The following PRKG1 variants were observed in gnomAD, a reference collection of about 807,000 sequenced individuals.
PRKG1 encodes the protein cGMP-dependent protein kinase 1.
PRKG1 carries 35 observed loss-of-function variants against 88.1 expected under a neutral mutation model. The ratio of observed to expected loss-of-function variants is 0.40; its 90% CI spans 0.30 to 0.53. PRKG1 has a LOEUF of 0.53. Ranked by LOEUF, PRKG1 falls within the 20% of genes least tolerant of loss-of-function variation. The pLI is 0.59. For synonymous variants in PRKG1, 303 were observed against 292.5 expected (o/e 1.04, Z -0.37); for missense variants, 540 against 839.8 (o/e 0.64, Z 4.41).
intron 5 of PRKG1, among the ~76,000 whole-genome samples, chr10:51,945,928 T>A (rs985075358): frequency 6.7e-6 from 1 of 150,366 alleles, no homozygotes; most frequent in Non-Finnish European, 1.5e-5. Flanking sequence ...CTGACAATTA[T>A]GTGTCTTGGA....
At chr10:52,209,955 G>A (rs1466519852) in intron 9 of PRKG1, among the ~76,000 whole-genome samples, 8 of 152,148 alleles carry the variant, frequency 5.3e-5, no homozygotes, top group Non-Finnish European at 1.5e-5. Context: ...GAAATCTGAT[G>A]ATTGTACACA....
At chr10:52,099,626 G>A (rs1847250779) in intron 7 of PRKG1, among the ~76,000 whole-genome samples, 1 of 152,102 alleles carries the variant, frequency 6.6e-6, no homozygotes, top group African/African-American at 2.4e-5. Context: ...GGATCACAGT[G>A]GGTTCAAAGT....
At chr10:51,581,008 G>A (rs184809608) in intron 3 of PRKG1, among the ~76,000 whole-genome samples, 5 of 151,934 alleles carry the variant, frequency 3.3e-5, no homozygotes, top group East Asian at 1.9e-4. Context: ...CTGGGTCCAG[G>A]GGGGGGTCAC....
rs1011432821 is a variant in PRKG1 at position 51,633,221 on chromosome 10, A to G, written c.592+165385A>G. 2.0e-5 allele frequency among the ~76,000 whole-genome samples: 3 copies of G among 152,154 alleles called. No individual in the cohort carries two copies. The East Asian group carries it at 5.8e-4, about 29-fold the overall frequency. On this transcript the variant is annotated intron_variant, in intron 3 of 17. Transcript: ENST00000373980. ...AACCACTCACATATTTTAAAATAAT[A>G]ATAATAATTCTCTTGGAATTCTTCC... is the stretch of plus-strand genomic sequence containing the variant.
intron 9 of PRKG1, among the ~76,000 whole-genome samples, chr10:52,246,230 C>T (rs1405711800): frequency 6.6e-6 from 1 of 152,050 alleles, no homozygotes; most frequent in African/African-American, 2.4e-5. Flanking sequence ...TAATAAGGGA[C>T]ACTTGATTCT....
At chr10:51,745,095 A>G (rs558697009) in intron 3 of PRKG1, among the ~76,000 whole-genome samples, 2 of 152,314 alleles carry the variant, frequency 1.3e-5, no homozygotes, top group Non-Finnish European at 2.9e-5. Flanking sequence ...TATTATCAAA[A>G]CATTCTAAAG....
At chr10:51,890,176 G>A (rs1841682677) in intron 4 of PRKG1, among the ~76,000 whole-genome samples, 2 of 152,124 alleles carry the variant, frequency 1.3e-5, no homozygotes, top group Non-Finnish European at 2.9e-5. Context: ...TTCTTCTAGG[G>A]TTTTTATGGT....
At chr10:51,320,601 C>CT (rs1841430359) in intron 2 of PRKG1, 1 of 152,348 alleles carries the variant, frequency 6.6e-6, no homozygotes, top group South Asian at 2.1e-4. Context: ...ACCACCAAAA[C>CT]ATAATAATCA....
chr10:51,205,749 G>A (rs1308650268), intron 2 of PRKG1, among the ~76,000 whole-genome samples: 5 of 151,784 alleles, frequency 3.3e-5, no homozygotes, highest in African/African-American at 1.2e-4. Context: ...GGCCAGGCTG[G>A]TCTCAAGCTC....
chr10:51,603,213 C>T (rs1048099127), intron 3 of PRKG1, among the ~76,000 whole-genome samples: 1 of 152,144 alleles, frequency 6.6e-6, no homozygotes, highest in African/African-American at 2.4e-5. Context: ...CCACCTTGGC[C>T]TCCCAAAGTG....
intron 5 of PRKG1, among the ~76,000 whole-genome samples, chr10:51,914,061 A>T (rs1181365878): frequency 6.6e-6 from 1 of 152,058 alleles, no homozygotes; most frequent in East Asian, 1.9e-4. Flanking sequence ...TAACAAGCTA[A>T]CTCATTTTCT....
At chr10:51,349,433 T>C (rs1833841124) in intron 2 of PRKG1, among the ~76,000 whole-genome samples, 1 of 151,760 alleles carries the variant, frequency 6.6e-6, no homozygotes, top group South Asian at 2.1e-4. Context: ...TAAAAAATTG[T>C]TTACTTTGAG....
intron 9 of PRKG1, among the ~76,000 whole-genome samples, chr10:52,176,452 G>T (rs1589675331): frequency 6.6e-6 from 1 of 152,068 alleles, no homozygotes; most frequent in East Asian, 1.9e-4. Flanking sequence ...GCAGTGTGAT[G>T]CCTTCAGGTC....
intron 7 of PRKG1, among the ~76,000 whole-genome samples, chr10:52,083,975 A>G (rs1175855297): frequency 6.6e-6 from 1 of 152,066 alleles, no homozygotes; most frequent in Non-Finnish European, 1.5e-5. Context: ...TTACATTTCA[A>G]ATTCAAGTTT....
rs1280105483 is a variant in PRKG1 at position 51,191,809 on chromosome 10, G to C, written c.478+38479G>C. On this transcript the variant is annotated intron_variant, in intron 2 of 17. Transcript: ENST00000373980. ...TTAACTCAATCTTATAAAGAAGATT[G>C]CTTATTTGATGAGTTGGGGAAGGTC... 4.0e-5 allele frequency among the ~76,000 whole-genome samples: 6 copies of C among 151,798 alleles called. 1 individual carries two copies. In the South Asian group the frequency reaches 1.2e-3, roughly 31 times the overall value.
At chr10:51,608,281 G>T (rs1234743067) in intron 3 of PRKG1, among the ~76,000 whole-genome samples, 2 of 152,192 alleles carry the variant, frequency 1.3e-5, no homozygotes, top group African/African-American at 4.8e-5. Flanking sequence ...TAAGGCTGCT[G>T]AATGAGGAGA....
At chr10:51,496,740 A>T (rs915067705) in intron 3 of PRKG1, among the ~76,000 whole-genome samples, 10 of 152,246 alleles carry the variant, frequency 6.6e-5, no homozygotes, top group Admixed American at 6.5e-4. Flanking sequence ...AATAATGCTC[A>T]TATTGATAAA....
chr10:51,720,397 A>G (rs186291236), intron 3 of PRKG1, among the ~76,000 whole-genome samples: 148 of 152,308 alleles, frequency 9.7e-4, no homozygotes, highest in Non-Finnish European at 9.7e-4. Context: ...CTATCTTACT[A>G]TCTTGCTAGT....
chr10:51,935,926 T>C (rs1173250041), intron 5 of PRKG1, among the ~76,000 whole-genome samples: 1 of 152,100 alleles, frequency 6.6e-6, no homozygotes, highest in Non-Finnish European at 1.5e-5. Flanking sequence ...CCATTTATTA[T>C]TTCTGAAGAC....
Sources: allele counts gnomAD v4.1 joint callset (sites outside exome capture counted in the v4.1 genomes callset), GRCh38; gene constraint gnomAD v4.1.1; transcripts MANE v1.5; gene names NCBI Gene and HGNC (gene_info 2026-07-23, HGNC 2026-07-21).